The following IMMP2L variants were observed in gnomAD, a reference collection of about 807,000 sequenced individuals.
The protein encoded by IMMP2L is mitochondrial inner membrane protease subunit 2.
A neutral mutation model predicts 19.3 loss-of-function variants in IMMP2L; 18 were observed. The observed-to-expected ratio is 0.93, with a 90% CI of 0.64 to 1.38. IMMP2L has a LOEUF of 1.38. IMMP2L is among the 40% of genes most tolerant of loss of function. The probability of loss-of-function intolerance (pLI) is 0.00; values close to 1 mark genes in which losing one functional copy is unlikely to be tolerated. For missense variants in IMMP2L, 233 were observed against 218.2 expected (o/e 1.07, Z -0.43); for synonymous variants, 76 against 73.0 (o/e 1.04, Z -0.21).
intron 5 of IMMP2L, among the ~76,000 whole-genome samples, chr7:110,748,479 C>T (rs527564547): frequency 9.9e-5 from 15 of 152,208 alleles, no homozygotes; most frequent in Middle Eastern, 3.4e-3. Context: ...GGAGGCATCA[C>T]GCTACCTGAC....
chr7:111,281,190 GAAAGAAAGAAAGAAAGAAAGAAAGAAAA>G (rs1563004615), intron 3 of IMMP2L, among the ~76,000 whole-genome samples: 1 of 59,582 alleles, frequency 1.7e-5, no homozygotes, highest in African/African-American at 6.6e-5. Context: ...AAGAAAGAAA[GAAAGAAAGAAAGAAAGAAAGAAAGAAAA>G]AGAAAGAAAG....
At chr7:111,190,535 G>C (rs976450916) in intron 3 of IMMP2L, among the ~76,000 whole-genome samples, 1 of 152,026 alleles carries the variant, frequency 6.6e-6, no homozygotes, top group Non-Finnish European at 1.5e-5. Context: ...TAGAACAATA[G>C]GAACGTAAGG....
chr7:110,738,794 G>T (rs997898543), intron 5 of IMMP2L, among the ~76,000 whole-genome samples: 14 of 152,186 alleles, frequency 9.2e-5, no homozygotes, highest in South Asian at 2.1e-4. Context: ...ACAAAGGAAA[G>T]AATCTGAAGA....
At chr7:110,718,381 C>A (rs1035624193) in intron 5 of IMMP2L, among the ~76,000 whole-genome samples, 3 of 152,000 alleles carry the variant, frequency 2.0e-5, no homozygotes, top group Admixed American at 6.6e-5. Flanking sequence ...TGGAGTTTAA[C>A]AAGAATATGT....
rs575240601 is a variant in IMMP2L, at chr7:111,501,458, A to T, written c.136-14117T>A. Among the ~76,000 whole-genome samples, 609 of 152,300 alleles carry T rather than the reference A, an allele frequency of 4.0e-3. 2 individuals are homozygous for T. Among genetic ancestry groups the T allele is most frequent in the Middle Eastern group, 0.02 (6 of 294 alleles). The stretch of plus-strand genomic sequence containing the variant: ...GCAAGGCAGGCCAACATTCAAATTC[A>T]GGAAATACAGAGAACGCCACAAAGA... On this transcript the variant is annotated intron_variant, in intron 2 of 5. Coordinates refer to ENST00000405709, the MANE Select transcript of IMMP2L (RefSeq NM_032549.4).
At chr7:111,020,244 C>T (rs1826144899) in intron 3 of IMMP2L, among the ~76,000 whole-genome samples, 1 of 151,880 alleles carries the variant, frequency 6.6e-6, no homozygotes, top group African/African-American at 2.4e-5. Flanking sequence ...ATTAGCCAGG[C>T]ATGGTGGCTT....
Position 111,123,993 on chromosome 7 carries a change from T to C in IMMP2L, c.240-160428A>G. 6.2e-7 allele frequency: 1 copy of C among 1,614,068 alleles called. No individual in the cohort carries two copies. Among genetic ancestry groups the C allele is most frequent in the Non-Finnish European group, 8.5e-7 (1 of 1,179,990 alleles). On this transcript the variant is annotated intron_variant, in intron 3 of 5. Coordinates refer to ENST00000405709, the MANE Select transcript of IMMP2L (RefSeq NM_032549.4). This position sits in a 1 kb window ranked among gnomAD's most constrained non-coding sequence, Gnocchi z 6.4. ...CACCTGAATTCCAAGGTCAGAATGT[T>C]CGGCAAGTGCATTTCAGGGACATGA...
chr7:110,848,781 A>G (rs963634150), intron 5 of IMMP2L, among the ~76,000 whole-genome samples: 1 of 152,156 alleles, frequency 6.6e-6, no homozygotes, highest in African/African-American at 2.4e-5. Flanking sequence ...TTATATGCAA[A>G]TTACTAAGTG....
At chr7:110,781,454 A>G (rs1442533113) in intron 5 of IMMP2L, among the ~76,000 whole-genome samples, 6 of 151,890 alleles carry the variant, frequency 4.0e-5, no homozygotes, top group Admixed American at 3.9e-4. Flanking sequence ...TAATTTCTAA[A>G]TGGCAAAAAA....
chr7:110,880,866 T>C (rs1028415395), intron 5 of IMMP2L, among the ~76,000 whole-genome samples: 2 of 152,120 alleles, frequency 1.3e-5, no homozygotes, highest in African/African-American at 2.4e-5. Context: ...TGAAGTCTAA[T>C]GACAATTCTG....
At chr7:110,846,923 C>T (rs547130300) in intron 5 of IMMP2L, among the ~76,000 whole-genome samples, 1 of 152,224 alleles carries the variant, frequency 6.6e-6, no homozygotes, top group East Asian at 1.9e-4. Context: ...CTACCTTGTC[C>T]TCTATCCTAC....
Position 110,792,697 on chromosome 7 carries a change from C to T in IMMP2L, c.408+93896G>A, listed in dbSNP as rs1340669675. 2.6e-5 allele frequency among the ~76,000 whole-genome samples: 4 copies of T among 151,920 alleles called. No individual in the cohort carries two copies. The East Asian group carries it at 7.8e-4, about 29-fold the overall frequency. ...TGACACATCATTATCTCCCAAAGTC[C>T]ACAGTTTACAAAAAAAGGTCACTCT... On this transcript the variant is annotated intron_variant, in intron 5 of 5. Coordinates refer to ENST00000405709, the MANE Select transcript of IMMP2L (RefSeq NM_032549.4).
intron 5 of IMMP2L, among the ~76,000 whole-genome samples, chr7:110,801,409 A>G (rs1801235540): frequency 6.6e-6 from 1 of 152,130 alleles, no homozygotes; most frequent in Non-Finnish European, 1.5e-5. Context: ...TTTTCCAAAT[A>G]TGTGCTTGAC....
In IMMP2L at chr7:110,803,042, T is replaced by G; in HGVS notation, c.408+83551A>C. Among the ~76,000 whole-genome samples the G allele has an allele frequency of 6.6e-6, 1 of 152,072 alleles. No individual in the cohort carries two copies. Among genetic ancestry groups the G allele is most frequent in the East Asian group, 1.9e-4 (1 of 5,162 alleles). The stretch of plus-strand genomic sequence containing the variant: ...AGATTATAAACACAATTACTAGAAG[T>G]CTGTCCAGATCAGCTCCATAGTGGT... On this transcript the variant is annotated intron_variant, in intron 5 of 5. Transcript: ENST00000405709. This position sits in a 1 kb window ranked among gnomAD's most constrained non-coding sequence, Gnocchi z 4.2.
At chr7:111,296,918 G>C (rs1020876618) in intron 3 of IMMP2L, among the ~76,000 whole-genome samples, 4 of 151,966 alleles carry the variant, frequency 2.6e-5, no homozygotes, top group Admixed American at 6.6e-5. Flanking sequence ...ATTGCACTGA[G>C]TGAAAAAGCC....
chr7:110,921,479 A>G (rs1814274193), intron 4 of IMMP2L, among the ~76,000 whole-genome samples: 1 of 152,186 alleles, frequency 6.6e-6, no homozygotes, highest in African/African-American at 2.4e-5. Flanking sequence ...ATACCTCATT[A>G]TTCCTCTGCA....
At chr7:111,144,540 T>G (rs1259093895) in intron 3 of IMMP2L, among the ~76,000 whole-genome samples, 1 of 152,146 alleles carries the variant, frequency 6.6e-6, no homozygotes, top group Non-Finnish European at 1.5e-5. Context: ...TCATCCTTTG[T>G]GTTCCTACAG....
chr7:111,456,050 G>A (rs1839646867), intron 3 of IMMP2L, among the ~76,000 whole-genome samples: 1 of 150,254 alleles, frequency 6.7e-6, no homozygotes, highest in Admixed American at 6.7e-5. Flanking sequence ...TGTCACTAGA[G>A]GGTCATCATT....
chr7:111,290,827 A>AACACAC (rs541375499), intron 3 of IMMP2L, among the ~76,000 whole-genome samples: 62 of 135,086 alleles, frequency 4.6e-4, no homozygotes, highest in Middle Eastern at 3.9e-3. Context: ...TATATATACA[A>AACACAC]ACACACACAC....
Sources: allele counts gnomAD v4.1 joint callset (sites outside exome capture counted in the v4.1 genomes callset), GRCh38; gene constraint gnomAD v4.1.1; non-coding constraint Gnocchi (gnomAD v3.1); transcripts MANE v1.5; gene names NCBI Gene and HGNC (gene_info 2026-07-23, HGNC 2026-07-21).